The following GRAMD2B variants were observed in gnomAD, a reference collection of about 807,000 sequenced individuals.
GRAMD2B encodes GRAM domain containing 2B, also known as GRAM domain-containing protein 2B.
GRAMD2B carries 41 observed loss-of-function variants against 59.2 expected under a neutral mutation model. The ratio of observed to expected loss-of-function variants is 0.69; its 90% CI spans 0.54 to 0.90. GRAMD2B has a LOEUF of 0.90. GRAMD2B is among the 40% of genes least tolerant of loss of function. The pLI, the probability that GRAMD2B is intolerant of heterozygous loss-of-function variation, is 0.00. For missense variants in GRAMD2B, 424 were observed against 500.5 expected (o/e 0.85, Z 1.46); for synonymous variants, 161 against 182.7 (o/e 0.88, Z 0.96).
chr5:126,461,674 C>G (rs1280686507), intron 1 of GRAMD2B, among the ~76,000 whole-genome samples: 2 of 152,132 alleles, frequency 1.3e-5, no homozygotes, highest in Non-Finnish European at 2.9e-5. Flanking sequence ...GTGGCAGGCA[C>G]CTGTAATCCC....
chr5:126,360,344 C>A lies in GRAMD2B; in HGVS notation c.13C>A (p.Gln5Lys), dbSNP rs756794924. 17 of 1,551,246 alleles carry A rather than the reference C, an allele frequency of 1.1e-5. 1 individual carries two copies. The Admixed American group carries it at 2.9e-4, about 27-fold the overall frequency. The change falls in exon 1 of 14, where the codon CAG becomes AAG. Residue 5 changes from glutamine to lysine, a missense_variant. Physicochemically the swap from Gln to Lys is moderately conservative, Grantham distance 53 (BLOSUM62 1). Transcript: ENST00000513040. ...TGGCCTCTAGAAGATGACAAGGAGACAGCAAGTCCTACAAGCAAAAAGGAG... is the reference window on the plus strand; with the variant it reads ...TGGCCTCTAGAAGATGACAAGGAGAAAGCAAGTCCTACAAGCAAAAAGGAG...
Position 126,458,397 on chromosome 5 carries a change from T to G in GRAMD2B, c.84-7029T>G, listed in dbSNP as rs953286263. Among the ~76,000 whole-genome samples, 27 of 151,156 alleles carry G rather than the reference T, an allele frequency of 1.8e-4. No homozygotes were observed. In the East Asian group the frequency reaches 5.3e-3, roughly 29 times the overall value. On this transcript the variant is annotated intron_variant, in intron 1 of 13. Coordinates refer to ENST00000285689, the MANE Select transcript of GRAMD2B (RefSeq NM_023927.4). ...TTGCAGCGAGCCAAGATTGCGTTAC[T>G]GCACTGCACTCCAGCCTGAGCGACA... is the stretch of plus-strand genomic sequence containing the variant.
intron 6 of GRAMD2B, 108 bp downstream of exon 6, chr5:126,477,895 T>C (rs1770936150): frequency 1.4e-6 from 1 of 721,226 alleles, no homozygotes; most frequent in African/African-American, 1.8e-5. Context: ...ATAAATATCA[T>C]CTCCTGTGGT....
At chr5:126,448,993 A>C (rs936955166) in intron 1 of GRAMD2B, among the ~76,000 whole-genome samples, 1 of 152,246 alleles carries the variant, frequency 6.6e-6, no homozygotes, top group African/African-American at 2.4e-5. Context: ...GCACCATGCA[A>C]ATATAAAGTC....
chr5:126,482,993 T>C (rs2126924455), intron 8 of GRAMD2B, among the ~76,000 whole-genome samples: 1 of 152,376 alleles, frequency 6.6e-6, no homozygotes, highest in East Asian at 1.9e-4. Flanking sequence ...CAGGGTCTAA[T>C]TGGCTAAAGC....
At chr5:126,413,981 A>G (rs1324683259) in intron 1 of GRAMD2B, among the ~76,000 whole-genome samples, 4 of 152,060 alleles carry the variant, frequency 2.6e-5, no homozygotes, top group Admixed American at 2.6e-4. Context: ...CTGACTCTTA[A>G]CCATTCCCTT....
chr5:126,398,530 G>A (rs762552431), intron 1 of GRAMD2B, among the ~76,000 whole-genome samples: 3 of 151,696 alleles, frequency 2.0e-5, no homozygotes, highest in Non-Finnish European at 4.4e-5. Context: ...TGGTTACTCT[G>A]TCAATTTTGT....
chr5:126,395,875 A>G (rs537382832), intron 1 of GRAMD2B, among the ~76,000 whole-genome samples: 7 of 152,356 alleles, frequency 4.6e-5, no homozygotes, highest in Admixed American at 2.0e-4. Flanking sequence ...GTTTTGATAT[A>G]CACATACATT....
chr5:126,442,344 G>T (rs893261397), intron 1 of GRAMD2B, among the ~76,000 whole-genome samples: 1 of 149,132 alleles, frequency 6.7e-6, no homozygotes, highest in African/African-American at 2.5e-5. Flanking sequence ...AGGCTGGAGT[G>T]TAATGGTGTG....
intron 1 of GRAMD2B, among the ~76,000 whole-genome samples, chr5:126,464,569 C>T (rs1226830058): frequency 6.6e-6 from 1 of 152,176 alleles, no homozygotes; most frequent in Non-Finnish European, 1.5e-5. Context: ...ACCTTCTTGA[C>T]TCACCTTCCC....
At chr5:126,447,580 C>T (rs1323809436) in intron 1 of GRAMD2B, among the ~76,000 whole-genome samples, 5 of 151,096 alleles carry the variant, frequency 3.3e-5, no homozygotes, top group South Asian at 2.1e-4. Flanking sequence ...AGGAGAATGG[C>T]GTGAACCCGG....
At chr5:126,434,542 G>C (rs571926531) in intron 1 of GRAMD2B, among the ~76,000 whole-genome samples, 46 of 150,814 alleles carry the variant, frequency 3.1e-4, no homozygotes, top group African/African-American at 1.1e-3. Context: ...TTTTGAGATG[G>C]AGTCTTACTC....
chr5:126,380,434 A>C (rs1237813687), intron 1 of GRAMD2B, among the ~76,000 whole-genome samples: 1 of 152,044 alleles, frequency 6.6e-6, no homozygotes, highest in Admixed American at 6.6e-5. Context: ...TAGTTCTGTG[A>C]AGAATGATAG....
chr5:126,436,878 A>C (rs935589229), intron 1 of GRAMD2B, among the ~76,000 whole-genome samples: 2 of 152,252 alleles, frequency 1.3e-5, no homozygotes, highest in African/African-American at 2.4e-5. Context: ...TCTGCCAAAA[A>C]AAGACAGAAA....
chr5:126,398,294 G>A (rs1757544015), intron 1 of GRAMD2B, among the ~76,000 whole-genome samples: 1 of 151,910 alleles, frequency 6.6e-6, no homozygotes, highest in Non-Finnish European at 1.5e-5. Context: ...TCTTAATACT[G>A]ATTCAATCTC....
chr5:126,436,692 C>A (rs1762468403), intron 1 of GRAMD2B, among the ~76,000 whole-genome samples: 1 of 152,114 alleles, frequency 6.6e-6, no homozygotes, highest in Non-Finnish European at 1.5e-5. Flanking sequence ...ATAATTTGAG[C>A]AATGTCTTAC....
upstream of GRAMD2B, among the ~76,000 whole-genome samples, chr5:126,421,919 A>G (rs568215326): frequency 6.6e-6 from 1 of 152,330 alleles, no homozygotes; most frequent in East Asian, 1.9e-4. Flanking sequence ...TTGCAGCCCC[A>G]GAACATAGTT....
At position 126,447,518 on chromosome 5, in the gene GRAMD2B, G is replaced by T. The variant is rs1461477004; in HGVS notation, c.84-17908G>T. On this transcript the variant is annotated intron_variant, in intron 1 of 13. Transcript: ENST00000285689. ...TCTACTAAAAAAATACAAAAAATTAGCCGGGCGTGGTGGCGGGCGCCTGTA... is the reference window on the plus strand; with the variant it reads ...TCTACTAAAAAAATACAAAAAATTATCCGGGCGTGGTGGCGGGCGCCTGTA... Among the ~76,000 whole-genome samples, 4 of 152,156 alleles carry T rather than the reference G, an allele frequency of 2.6e-5. No homozygotes were observed. The East Asian group carries it at 7.8e-4, about 30-fold the overall frequency.
chr5:126,462,590 A>G (rs1490528877), intron 1 of GRAMD2B: 1 of 252,596 alleles, frequency 4.0e-6, no homozygotes, highest in Non-Finnish European at 6.2e-6. Context: ...AATCCATATC[A>G]TTGAACGTAT....
Sources: allele counts gnomAD v4.1 joint callset (sites outside exome capture counted in the v4.1 genomes callset), GRCh38; gene constraint gnomAD v4.1.1; transcripts MANE v1.5; gene names NCBI Gene and HGNC (gene_info 2026-07-23, HGNC 2026-07-21).